Variants in CWC25 observed in about 807,000 individuals in gnomAD.
CWC25 encodes CWC25 spliceosome associated protein.
A neutral mutation model predicts 54.6 loss-of-function variants in CWC25; 31 were observed. The observed-to-expected ratio is 0.57, with a 90% CI of 0.43 to 0.77. CWC25 has a LOEUF of 0.77. CWC25 is among the 30% of genes least tolerant of loss of function. CWC25 has a pLI of 0.00. For missense variants in CWC25, 453 were observed against 529.3 expected (o/e 0.86, Z 1.41); for synonymous variants, 151 against 187.0 (o/e 0.81, Z 1.57).
At chr17:38,819,325 G>A (rs774699458) in intron 2 of CWC25, among the ~76,000 whole-genome samples, 18 of 150,110 alleles carry the variant, frequency 1.2e-4, no homozygotes, top group Non-Finnish European at 2.2e-4. Context: ...TCAGCCTCCC[G>A]AGTAGCTGGG....
At chr17:38,807,759 A>G (rs1251431971) in intron 6 of CWC25, among the ~76,000 whole-genome samples, 1 of 137,606 alleles carries the variant, frequency 7.3e-6, no homozygotes, top group Non-Finnish European at 1.6e-5. Context: ...CTGTCTCAAA[A>G]AAAAAAAAAA....
intron 2 of CWC25, among the ~76,000 whole-genome samples, chr17:38,816,199 C>A (rs1911691011): frequency 6.6e-6 from 1 of 152,146 alleles, no homozygotes; most frequent in Non-Finnish European, 1.5e-5. Context: ...CTTTCATTGA[C>A]AGTATTATCT....
At chr17:38,810,423 A>G (rs1911432532) in intron 5 of CWC25, 45 bp downstream of exon 5, 4 of 1,494,976 alleles carry the variant, frequency 2.7e-6, no homozygotes, top group Non-Finnish European at 2.7e-6. Context: ...TGAGTGAATG[A>G]GCAAGTGAAT....
chr17:38,812,786 A>G lies in CWC25; in HGVS notation c.498+9T>C. 1 of 1,444,904 alleles carries G rather than the reference A, an allele frequency of 6.9e-7. No individual in the cohort carries two copies. Among genetic ancestry groups the G allele is most frequent in the Non-Finnish European group, 9.5e-7 (1 of 1,049,820 alleles). 89.5% of individuals were successfully genotyped at this position (1,444,904 alleles called of 1,614,324 possible). On this transcript the variant is annotated intron_variant, in intron 4 of 9. Coordinates refer to ENST00000614790, the MANE Select transcript of CWC25 (RefSeq NM_017748.5). ...GATGCTCTTGGTGCTTATCTGGTAT[A>G]CTACTTACCAATTCTTTGATTTTCT...
chr17:38,806,082 G>A (rs911879676), intron 8 of CWC25, among the ~76,000 whole-genome samples: 2 of 152,214 alleles, frequency 1.3e-5, no homozygotes, highest in African/African-American at 4.8e-5. Flanking sequence ...AAACTGCTGT[G>A]ATTACAGGCG....
At chr17:38,817,022 T>C (rs1305729983) in intron 2 of CWC25, among the ~76,000 whole-genome samples, 1 of 150,488 alleles carries the variant, frequency 6.6e-6, no homozygotes, top group Non-Finnish European at 1.5e-5. Context: ...AAAAAATGAG[T>C]CTGAGAAACA....
chr17:38,823,004 ATT>A (rs1057381863), intron 1 of CWC25, among the ~76,000 whole-genome samples: 1 of 149,730 alleles, frequency 6.7e-6, no homozygotes, highest in African/African-American at 2.5e-5. Flanking sequence ...TGCCCAGCTA[ATT>A]TTTTTTGTAT....
chr17:38,815,727 C>A, intron 2 of CWC25: 4 of 1,255,102 alleles, frequency 3.2e-6, no homozygotes, highest in Non-Finnish European at 4.1e-6. Context: ...ATTATGCTTT[C>A]ATTTCCAAGA....
chr17:38,806,327 T>A lies in CWC25; in HGVS notation c.971A>T (p.Tyr324Phe). 6.2e-7 allele frequency: 1 copy of A among 1,613,162 alleles called. No individual in the cohort carries two copies. Among genetic ancestry groups the A allele is most frequent in the South Asian group, 1.1e-5 (1 of 90,808 alleles). ...TRSPSPKKEV[Y>F]QRRHAPGYTR... ...GTATCCGGGAGCATGTCGCCTTTGG[T>A]AGACCTCTTTTTTAGGTGATGGGCT... Residue 324 changes from tyrosine to phenylalanine, a missense_variant, in exon 8 of 10, where the codon TAC becomes TTC. Tyr to Phe is a conservative substitution (Grantham distance 22, BLOSUM62 3). Transcript: ENST00000614790.
intron 8 of CWC25, 48 bp from the exon 9 acceptor site, chr17:38,802,909 C>A (rs781356025): frequency 8.1e-6 from 13 of 1,606,786 alleles, no homozygotes; most frequent in African/African-American, 6.7e-5. Context: ...AGCAAAAAAA[C>A]CAGAAGCAGC....
intron 1 of CWC25, among the ~76,000 whole-genome samples, chr17:38,821,891 T>C (rs1290152276): frequency 6.6e-6 from 1 of 151,850 alleles, no homozygotes; most frequent in Non-Finnish European, 1.5e-5. Context: ...TGCCTCAGCC[T>C]CCTGAGTAGC....
At position 38,800,806 on chromosome 17, in the gene CWC25, C is replaced by G. The variant is rs1042238215; in HGVS notation, c.*1286G>C. 1.3e-5 allele frequency: 2 copies of G among 151,848 alleles called. No homozygotes were observed. The highest frequency in any genetic ancestry group is 2.9e-5 in the Non-Finnish European group (2 of 68,088). The allele number at this position is 151,848 out of a possible 1,614,324, so 9.4% of individuals were successfully genotyped here. On this transcript the variant is annotated 3_prime_UTR_variant, in exon 10 of 10. Coordinates refer to ENST00000614790, the MANE Select transcript of CWC25 (RefSeq NM_017748.5). ...GTTTTGTTGCTGTTGTTTTTTGAGA[C>G]GGAATCTCGCTCTGTCACCCAGGCT...
chr17:38,806,254 C>A, intron 8 of CWC25, 43 bp downstream of exon 8: 2 of 1,515,824 alleles, frequency 1.3e-6, no homozygotes, highest in Non-Finnish European at 1.8e-6. Context: ...CTTCTAGATT[C>A]AGGCCTGCAA....
intron 5 of CWC25, chr17:38,810,225 C>G: frequency 1.9e-6 from 1 of 520,878 alleles, no homozygotes; most frequent in East Asian, 3.2e-5. Flanking sequence ...AGGCTAAAGT[C>G]AGCATTATTA....
intron 8 of CWC25, 107 bp downstream of exon 8, chr17:38,806,190 G>A (rs1048232175): frequency 1.1e-6 from 1 of 939,764 alleles, no homozygotes; most frequent in East Asian, 2.6e-5. Context: ...ATAAATAAAA[G>A]TTGGTTCGTC....
intron 3 of CWC25, among the ~76,000 whole-genome samples, chr17:38,813,904 C>G (rs1911591362): frequency 6.6e-6 from 1 of 152,070 alleles, no homozygotes; most frequent in Non-Finnish European, 1.5e-5. Context: ...CTCTTTCGTC[C>G]AGGCTAGAGT....
At chr17:38,823,061 A>G (rs1325774485) in intron 1 of CWC25, among the ~76,000 whole-genome samples, 1 of 151,046 alleles carries the variant, frequency 6.6e-6, no homozygotes, top group Non-Finnish European at 1.5e-5. Flanking sequence ...GATGGTCTCG[A>G]TCTCCTGACC....
At chr17:38,813,624 G>A (rs797012871) in intron 3 of CWC25, among the ~76,000 whole-genome samples, 8 of 148,668 alleles carry the variant, frequency 5.4e-5, no homozygotes, top group African/African-American at 2.0e-4. Context: ...GCTCACTGCA[G>A]CCTTGACCAC....
At chr17:38,812,944 C>G (rs1226132257) in intron 3 of CWC25, 80 bp from the exon 4 acceptor site, 2 of 783,398 alleles carry the variant, frequency 2.6e-6, no homozygotes, top group Admixed American at 2.1e-5. Flanking sequence ...CAAACATATA[C>G]AGACAAACTG....
Sources: allele counts gnomAD v4.1 joint callset (sites outside exome capture counted in the v4.1 genomes callset), GRCh38; gene constraint gnomAD v4.1.1; transcripts MANE v1.5; gene names NCBI Gene and HGNC (gene_info 2026-07-23, HGNC 2026-07-21).